Variants in CCDC74A observed in about 807,000 individuals in gnomAD.
CCDC74A encodes the protein coiled-coil domain-containing protein 74A.
In CCDC74A, 38 loss-of-function variants were observed where a neutral mutation model predicts 37.6. The observed-to-expected ratio is 1.01, with a 90% CI of 0.78 to 1.33. The LOEUF (loss-of-function observed/expected upper bound fraction) is 1.33. Ranked by LOEUF, CCDC74A falls within the 40% of genes most tolerant of loss-of-function variation. The pLI is 0.00. For synonymous variants in CCDC74A, 134 were observed against 165.2 expected, an observed-to-expected ratio of 0.81 and a Z score of 1.45; for missense variants, 340 against 403.4, an observed-to-expected ratio of 0.84 and a Z score of 1.35.
Position 131,533,596 on chromosome 2 carries a change from C to T in CCDC74A, c.*198C>T. ...CTGTTATTTTGCTATTTGGCATTTACATAAAAGCACACGATGAAGCAGGTA... is the reference window on the plus strand; with the variant it reads ...CTGTTATTTTGCTATTTGGCATTTATATAAAAGCACACGATGAAGCAGGTA... On this transcript the variant is annotated 3_prime_UTR_variant, in exon 8 of 8. Coordinates refer to ENST00000409856, the MANE Select transcript of CCDC74A (RefSeq NM_001258306.3). 1.4e-6 allele frequency: 1 copy of T among 699,146 alleles called. No individual in the cohort carries two copies. The highest frequency in any genetic ancestry group is 2.7e-5 in the East Asian group (1 of 36,398). 43.3% of individuals were successfully genotyped at this position (699,146 alleles called of 1,614,324 possible).
chr2:131,529,885 G>A, intron 2 of CCDC74A, 194 bp downstream of exon 2: 6 of 1,495,414 alleles, frequency 4.0e-6, no homozygotes, highest in South Asian at 1.3e-5. Flanking sequence ...CACAGCACGT[G>A]CTGCTCTCGG....
At chr2:131,529,457 C>G in intron 1 of CCDC74A, 190 bp from the exon 2 acceptor site, 1 of 768,322 alleles carries the variant, frequency 1.3e-6, no homozygotes, top group Non-Finnish European at 2.3e-6. Context: ...AGGGAACAGG[C>G]AGGGCCATTC....
At chr2:131,526,439 G>C (rs1035330738), upstream of CCDC74A, among the ~76,000 whole-genome samples, 9 of 152,144 alleles carry the variant, frequency 5.9e-5, no homozygotes, top group South Asian at 1.2e-3. Flanking sequence ...GAGCCACCCT[G>C]CCTGGCCTTC....
chr2:131,533,189 G>T, intron 7 of CCDC74A, 80 bp from the exon 8 acceptor site: 1 of 1,607,470 alleles, frequency 6.2e-7, no homozygotes, highest in Middle Eastern at 1.9e-4. Flanking sequence ...CTGTGCCCCC[G>T]TGAGGGCCAT....
upstream of CCDC74A, among the ~76,000 whole-genome samples, chr2:131,524,544 T>G (rs928285886): frequency 1.3e-5 from 2 of 152,106 alleles, no homozygotes; most frequent in African/African-American, 4.8e-5. Flanking sequence ...TGGGGATCTG[T>G]GCTCTGATTG....
upstream of CCDC74A, among the ~76,000 whole-genome samples, chr2:131,525,666 G>A (rs532176012): frequency 1.3e-5 from 2 of 150,506 alleles, no homozygotes; most frequent in East Asian, 3.9e-4. Flanking sequence ...TTCGGCCTCG[G>A]CCTCCTGAGT....
At chr2:131,528,577 G>A (rs1318439805) in intron 1 of CCDC74A, 14 of 1,088,134 alleles carry the variant, frequency 1.3e-5, no homozygotes, top group Non-Finnish European at 1.8e-5. Flanking sequence ...TTGGGAGGCC[G>A]AGACGGGCGG....
chr2:131,530,383 G>C (rs1410655883), intron 2 of CCDC74A: 1 of 1,548,822 alleles, frequency 6.5e-7, no homozygotes, highest in Non-Finnish European at 8.7e-7. Context: ...TTCCCAGGGA[G>C]ACATGGAGAA....
chr2:131,522,614 C>G, the CCDC74A span, among the ~76,000 whole-genome samples: 1 of 152,180 alleles, frequency 6.6e-6, no homozygotes, highest in Non-Finnish European at 1.5e-5. Context: ...TTCAGGCTGT[C>G]CTGACACCAC....
intron 1 of CCDC74A, chr2:131,529,316 A>G: frequency 1.9e-6 from 1 of 536,342 alleles, no homozygotes; most frequent in Non-Finnish European, 3.4e-6. Flanking sequence ...CCACGGGATC[A>G]TGACACTGCC....
rs779385602 is a variant in CCDC74A at position 131,533,385 on chromosome 2, G to A, written c.926G>A (p.Arg309His). 1.1e-5 allele frequency: 17 copies of A among 1,613,350 alleles called. No individual in the cohort carries two copies. Among genetic ancestry groups the A allele is most frequent in the South Asian group, 6.6e-5 (6 of 91,080 alleles). ...LQAMQKRRLH[R>H]SVL ...GCAATGCAGAAACGGCGCCTGCATC[G>A]CTCAGTGCTTTGAGCCACCCCAATC... Residue 309 changes from arginine (R) to histidine (H), a missense_variant, in exon 8 of 8, where the codon CGC becomes CAC. Physicochemically the swap from Arg to His is conservative, Grantham distance 29 (BLOSUM62 0). Coordinates refer to ENST00000409856, the MANE Select transcript of CCDC74A (RefSeq NM_001258306.3).
chr2:131,523,366 G>A (rs1202849124), upstream of CCDC74A, among the ~76,000 whole-genome samples: 3 of 152,166 alleles, frequency 2.0e-5, no homozygotes, highest in Non-Finnish European at 2.9e-5. Flanking sequence ...AGTGGCTCAC[G>A]CCTGTAATCC....
intron 2 of CCDC74A, chr2:131,530,093 C>T: frequency 6.5e-7 from 1 of 1,550,352 alleles, no homozygotes; most frequent in African/African-American, 1.4e-5. Flanking sequence ...ATGCTGGGGG[C>T]CCAGGGGCTC....
At chr2:131,529,479 C>G in intron 1 of CCDC74A, 168 bp from the exon 2 acceptor site, 1 of 887,378 alleles carries the variant, frequency 1.1e-6, no homozygotes, top group Non-Finnish European at 1.8e-6. Context: ...TGGCCTGACA[C>G]CCACGACGAA....
chr2:131,530,420 G>A (rs1681043337), intron 2 of CCDC74A: 1 of 1,548,480 alleles, frequency 6.5e-7, no homozygotes, highest in African/African-American at 1.4e-5. Flanking sequence ...CCCTTCCCTA[G>A]CCGCTGTGGC....
At chr2:131,525,250 A>G (rs1680257136), upstream of CCDC74A, among the ~76,000 whole-genome samples, 1 of 152,030 alleles carries the variant, frequency 6.6e-6, no homozygotes, top group Non-Finnish European at 1.5e-5. Flanking sequence ...AATTTCCTAT[A>G]TCATTTTCCT....
chr2:131,524,871 G>A (rs1304530480), upstream of CCDC74A, among the ~76,000 whole-genome samples: 2 of 137,982 alleles, frequency 1.4e-5, no homozygotes, highest in Admixed American at 1.5e-4. Context: ...GACCAGTCTG[G>A]GCAACATAGT....
chr2:131,522,599 G>A, the CCDC74A span, among the ~76,000 whole-genome samples: 6 of 152,140 alleles, frequency 3.9e-5, no homozygotes, highest in African/African-American at 9.7e-5. Flanking sequence ...CTCTGGCAGC[G>A]CAGCTTCAGG....
intron 2 of CCDC74A, chr2:131,530,309 A>G (rs1180105354): frequency 3.3e-4 from 509 of 1,542,762 alleles, no homozygotes; most frequent in Non-Finnish European, 4.4e-4. Flanking sequence ...TCAGGAGGAC[A>G]TCTGACTGGT....
Sources: allele counts gnomAD v4.1 joint callset (sites outside exome capture counted in the v4.1 genomes callset), GRCh38; gene constraint gnomAD v4.1.1; transcripts MANE v1.5; gene names NCBI Gene and HGNC (gene_info 2026-07-23, HGNC 2026-07-21).